Variants in ARID4A observed in about 807,000 individuals in gnomAD.
ARID4A encodes the protein AT-rich interaction domain 4A, also known as AT-rich interactive domain-containing protein 4A.
A neutral mutation model predicts 148.6 loss-of-function variants in ARID4A; 39 were observed. That is an observed-to-expected ratio of 0.26 (90% CI 0.20 to 0.34). The LOEUF (loss-of-function observed/expected upper bound fraction) is 0.34. ARID4A is among the 10% of genes least tolerant of loss of function. ARID4A has a pLI of 1.00. For missense variants in ARID4A, 1,265 were observed against 1,449.1 expected, an observed-to-expected ratio of 0.87 and a Z score of 2.06; for synonymous variants, 475 against 481.2, an observed-to-expected ratio of 0.99 and a Z score of 0.17.
At chr14:58,365,706 T>C in intron 21 of ARID4A, 84 bp downstream of exon 21, 1 of 1,182,650 alleles carries the variant, frequency 8.5e-7, no homozygotes, top group Non-Finnish European at 1.2e-6. Flanking sequence ...AATGGAGCAA[T>C]ACTATATTGT....
intron 18 of ARID4A, among the ~76,000 whole-genome samples, chr14:58,359,935 C>G (rs553933594): frequency 1.9e-4 from 29 of 151,950 alleles, no homozygotes; most frequent in East Asian, 7.8e-4. Flanking sequence ...TCGTGGTGGC[C>G]GGCGCCTGTA....
chr14:58,316,641 C>G (rs143433023), intron 5 of ARID4A, among the ~76,000 whole-genome samples: 1 of 152,022 alleles, frequency 6.6e-6, no homozygotes, highest in African/African-American at 2.4e-5. Context: ...AGTGCAATGG[C>G]GCAATCTCTG....
intron 5 of ARID4A, among the ~76,000 whole-genome samples, chr14:58,316,238 A>G (rs1044080401): frequency 6.6e-6 from 1 of 152,206 alleles, no homozygotes; most frequent in Non-Finnish European, 1.5e-5. Flanking sequence ...TAGAATGGAA[A>G]AAAGTATCTA....
At chr14:58,320,807 C>G (rs1304615143) in intron 7 of ARID4A, among the ~76,000 whole-genome samples, 2 of 152,018 alleles carry the variant, frequency 1.3e-5, no homozygotes, top group African/African-American at 4.8e-5. Context: ...CGGGATTTCA[C>G]TGTGTTAGCC....
chr14:58,308,771 T>C (rs908935488), intron 5 of ARID4A, among the ~76,000 whole-genome samples: 2 of 152,256 alleles, frequency 1.3e-5, no homozygotes, highest in African/African-American at 4.8e-5. Flanking sequence ...TTTTGATTTC[T>C]AGTTCCTAGC....
At chr14:58,338,112 T>C (rs1370140415) in intron 11 of ARID4A, among the ~76,000 whole-genome samples, 3 of 152,084 alleles carry the variant, frequency 2.0e-5, no homozygotes, top group Non-Finnish European at 2.9e-5. Context: ...TTAAATATAA[T>C]AGGAAAGATA....
At chr14:58,371,331 A>G (rs2035603834) in intron 23 of ARID4A, among the ~76,000 whole-genome samples, 1 of 152,198 alleles carries the variant, frequency 6.6e-6, no homozygotes, top group South Asian at 2.1e-4. Flanking sequence ...AAAGAACTTA[A>G]AAAGTGGCAA....
At chr14:58,317,325 T>C (rs1175963887) in intron 5 of ARID4A, among the ~76,000 whole-genome samples, 2 of 147,782 alleles carry the variant, frequency 1.4e-5, no homozygotes, top group Non-Finnish European at 3.0e-5. Context: ...TGCTCTGTCG[T>C]AGAGGCTGGA....
At chr14:58,330,497 C>G (rs1221534224) in intron 11 of ARID4A, among the ~76,000 whole-genome samples, 1 of 152,068 alleles carries the variant, frequency 6.6e-6, no homozygotes, top group African/African-American at 2.4e-5. Flanking sequence ...CTCATTTAAA[C>G]TACTACCATA....
Position 58,306,109 on chromosome 14 carries a change from G to A in ARID4A, c.271G>A (p.Val91Met), listed in dbSNP as rs1745258797. The part of the protein sequence containing the change: ...SKLTDASWYT[V>M]VFDDGDERTL... The stretch of plus-strand genomic sequence containing the variant: ...GTTGACAGATGCTAGTTGGTATACC[G>A]TGGGTAAGTAATTAAGTAATTTAAC... The change falls in exon 5 of 24, where the codon GTG becomes ATG. Residue 91 changes from valine to methionine, a missense_variant. Physicochemically the swap from Val to Met is conservative, Grantham distance 21 (BLOSUM62 1). Transcript: ENST00000355431. 6.2e-7 allele frequency: 1 copy of A among 1,609,492 alleles called. No homozygotes were observed. The highest frequency in any genetic ancestry group is 8.5e-7 in the Non-Finnish European group (1 of 1,176,130).
chr14:58,337,238 C>T (rs1341383658), intron 11 of ARID4A, among the ~76,000 whole-genome samples: 1 of 52,762 alleles, frequency 1.9e-5, no homozygotes, highest in African/African-American at 7.4e-5. Flanking sequence ...CTAGAACCTT[C>T]TCTTTATTTA....
chr14:58,365,767 T>A (rs1263105810), intron 21 of ARID4A, 145 bp downstream of exon 21: 10 of 803,644 alleles, frequency 1.2e-5, no homozygotes, highest in Non-Finnish European at 1.9e-5. Flanking sequence ...TTTTGCCATT[T>A]TTATTCTTAG....
At chr14:58,319,762 C>T (rs1034731904) in intron 7 of ARID4A, among the ~76,000 whole-genome samples, 64 of 150,620 alleles carry the variant, frequency 4.2e-4, no homozygotes, top group African/African-American at 1.5e-3. Context: ...AAATGGGTTT[C>T]GAACTCCTGA....
intron 23 of ARID4A, among the ~76,000 whole-genome samples, chr14:58,369,055 A>G (rs1212968992): frequency 2.0e-5 from 3 of 152,216 alleles, no homozygotes; most frequent in African/African-American, 7.2e-5. Flanking sequence ...AAAAAAAATA[A>G]TAAGGCAGTG....
chr14:58,316,207 G>T (rs556929955), intron 5 of ARID4A, among the ~76,000 whole-genome samples: 1 of 152,234 alleles, frequency 6.6e-6, no homozygotes, highest in South Asian at 2.1e-4. Flanking sequence ...ATTTCTTTTT[G>T]TTAACACTGA....
At chr14:58,322,731 G>A (rs1413200815) in intron 7 of ARID4A, among the ~76,000 whole-genome samples, 2 of 151,910 alleles carry the variant, frequency 1.3e-5, no homozygotes, top group African/African-American at 4.8e-5. Context: ...GTAGGCTGAG[G>A]CGGGCAGATC....
Position 58,366,059 on chromosome 14 carries a change from G to C in ARID4A, c.3352G>C (p.Asp1118His). 1 of 1,613,612 alleles carries C rather than the reference G, an allele frequency of 6.2e-7. No homozygotes were observed. The change falls in exon 22 of 24, where the codon GAC (aspartate) becomes CAC (histidine). Residue 1118 changes from aspartate to histidine, a missense_variant. Around this residue, in one of 9 missense-constraint regions of ARID4A, gnomAD observed 666 missense variants for 730.9 expected, o/e 0.91. Transcript: ENST00000355431. ...TGATAGTGAAGATCTTCCTGTCCTAGACAATTCAAGTAAATGTACCCCAGT... is the reference window on the plus strand; with the variant it reads ...TGATAGTGAAGATCTTCCTGTCCTACACAATTCAAGTAAATGTACCCCAGT... ...SSDSEDLPVL[D>H]NSSKCTPVKH...
At chr14:58,343,652 A>T (rs572144677) in intron 11 of ARID4A, among the ~76,000 whole-genome samples, 2 of 151,854 alleles carry the variant, frequency 1.3e-5, no homozygotes, top group East Asian at 3.9e-4. Context: ...AAATGGTGAG[A>T]CCCCCTTCTC....
At chr14:58,357,681 C>A (rs1317201645) in intron 17 of ARID4A, among the ~76,000 whole-genome samples, 1 of 141,362 alleles carries the variant, frequency 7.1e-6, no homozygotes, top group Non-Finnish European at 1.5e-5. Flanking sequence ...CAAGACAATT[C>A]TTCTTCCATT....
Sources: allele counts gnomAD v4.1 joint callset (sites outside exome capture counted in the v4.1 genomes callset), GRCh38; gene constraint gnomAD v4.1.1; regional missense constraint gnomAD v4.1.1; transcripts MANE v1.5; gene names NCBI Gene and HGNC (gene_info 2026-07-23, HGNC 2026-07-21).